Variants in XPO4 observed in about 807,000 individuals in gnomAD.
XPO4 encodes the protein exportin-4.
A neutral mutation model predicts 143.0 loss-of-function variants in XPO4; 39 were observed. The observed-to-expected ratio is 0.27, with a 90% CI of 0.21 to 0.36. The LOEUF (loss-of-function observed/expected upper bound fraction) is 0.36. Among genes scored for constraint, XPO4 ranks in the 10% least tolerant of loss-of-function variants. The pLI is 1.00. For missense variants in XPO4, 907 were observed against 1,348.0 expected, an observed-to-expected ratio of 0.67 and a Z score of 5.12; for synonymous variants, 439 against 474.0, an observed-to-expected ratio of 0.93 and a Z score of 0.96.
chr13:20,866,662 TTAAA>T (rs2060247858), intron 2 of XPO4, among the ~76,000 whole-genome samples: 1 of 152,186 alleles, frequency 6.6e-6, no homozygotes, highest in Admixed American at 6.5e-5. Flanking sequence ...ACTCCACCTT[TTAAA>T]TAGTCAGTGT....
At chr13:20,816,405 T>C (rs1200823558) in intron 9 of XPO4, among the ~76,000 whole-genome samples, 1 of 152,226 alleles carries the variant, frequency 6.6e-6, no homozygotes, top group Non-Finnish European at 1.5e-5. Flanking sequence ...AGTCTTTGAA[T>C]GTCAAATGAA....
At chr13:20,784,153 G>A (rs2059171994) in intron 22 of XPO4, among the ~76,000 whole-genome samples, 1 of 152,162 alleles carries the variant, frequency 6.6e-6, no homozygotes, top group Admixed American at 6.5e-5. Flanking sequence ...CATTCCAGAG[G>A]TGAAGGTTTC....
At chr13:20,816,589 A>C (rs1360449363) in intron 9 of XPO4, among the ~76,000 whole-genome samples, 1 of 152,242 alleles carries the variant, frequency 6.6e-6, no homozygotes, top group Non-Finnish European at 1.5e-5. Context: ...TTACAGACAG[A>C]TCACTTAAAT....
chr13:20,850,734 C>G (rs2060076372), intron 4 of XPO4: 1 of 926,698 alleles, frequency 1.1e-6, no homozygotes. Context: ...CACTGCACTT[C>G]AGCCCAGGCG....
In XPO4 at chr13:20,843,409, A is replaced by G. The variant is rs118058394; in HGVS notation, c.573+361T>C. ...AATACATACAAGACAAAGAGCCCGC[A>G]CCATCTGCAATAACATTTGAAATAC... On this transcript the variant is annotated intron_variant, in intron 5 of 22. Coordinates refer to ENST00000255305, the MANE Select transcript of XPO4 (RefSeq NM_022459.5). 4.9e-3 allele frequency among the ~76,000 whole-genome samples: 742 copies of G among 152,322 alleles called. 9 individuals are homozygous for G. The highest frequency in any genetic ancestry group is 0.014 in the Middle Eastern group (4 of 294).
intron 1 of XPO4, among the ~76,000 whole-genome samples, chr13:20,882,854 T>A (rs1298232267): frequency 1.3e-5 from 2 of 148,260 alleles, no homozygotes; most frequent in Non-Finnish European, 3.0e-5. Flanking sequence ...GCCACTGCAC[T>A]CCAGCCTGGG....
At chr13:20,850,903 T>G in intron 4 of XPO4, 1 of 985,428 alleles carries the variant, frequency 1.0e-6, no homozygotes, top group Non-Finnish European at 1.2e-6. Flanking sequence ...ATTAGTTATC[T>G]AATTTAATGG....
At chr13:20,877,156 TA>T (rs2060360767) in intron 1 of XPO4, among the ~76,000 whole-genome samples, 1 of 152,196 alleles carries the variant, frequency 6.6e-6, no homozygotes, top group South Asian at 2.1e-4. Context: ...AAGAAGGCAA[TA>T]ATTGCACTGG....
At chr13:20,891,660 C>G (rs2060518052) in intron 1 of XPO4, among the ~76,000 whole-genome samples, 1 of 151,668 alleles carries the variant, frequency 6.6e-6, no homozygotes, top group Non-Finnish European at 1.5e-5. Context: ...CTCAGGAGTT[C>G]AAGACCAGCC....
chr13:20,893,551 AACATGGTGAAACTCCCTC>A (rs2060538561), intron 1 of XPO4, among the ~76,000 whole-genome samples: 1 of 152,110 alleles, frequency 6.6e-6, no homozygotes, highest in South Asian at 2.1e-4. Flanking sequence ...CAGTCTAGCC[AACATGGTGAAACTCCCTC>A]ACATGGTGAA....
intron 1 of XPO4, among the ~76,000 whole-genome samples, chr13:20,872,989 T>C (rs1048176393): frequency 4.0e-5 from 6 of 150,508 alleles, no homozygotes; most frequent in South Asian, 4.2e-4. Context: ...TCATTGCCAC[T>C]ACAGTAAAAG....
At chr13:20,857,338 T>C (rs138126431) in intron 3 of XPO4, among the ~76,000 whole-genome samples, 68 of 152,362 alleles carry the variant, frequency 4.5e-4, no homozygotes, top group African/African-American at 1.5e-3. Context: ...ATTTATTGAA[T>C]GCTTACTATA....
intron 5 of XPO4, among the ~76,000 whole-genome samples, chr13:20,843,494 A>G (rs1009814181): frequency 6.6e-6 from 1 of 152,172 alleles, no homozygotes; most frequent in Non-Finnish European, 1.5e-5. Context: ...CTTCAATTGA[A>G]TTAGTTATAT....
chr13:20,813,563 C>CT (rs2059610432), intron 9 of XPO4, among the ~76,000 whole-genome samples: 1 of 152,158 alleles, frequency 6.6e-6, no homozygotes, highest in African/African-American at 2.4e-5. Flanking sequence ...ACGTAATACA[C>CT]TGGTCCAATC....
At chr13:20,875,126 C>G (rs981142880) in intron 1 of XPO4, among the ~76,000 whole-genome samples, 2 of 152,148 alleles carry the variant, frequency 1.3e-5, no homozygotes, top group African/African-American at 4.8e-5. Context: ...AACATAAATA[C>G]TGGTAGTCTT....
At chr13:20,873,199 A>C (rs1041101049) in intron 1 of XPO4, among the ~76,000 whole-genome samples, 5 of 152,008 alleles carry the variant, frequency 3.3e-5, no homozygotes, top group African/African-American at 1.2e-4. Context: ...TTCTAGCCCC[A>C]ACCCTCAGCA....
At position 20,796,259 on chromosome 13, in the gene XPO4, GAA is replaced by G. The variant is rs34352023; in HGVS notation, c.2617-5_2617-4del. The G allele has an allele frequency of 1.2e-3, 1,501 of 1,215,014 alleles. No individual in the cohort carries two copies. Among genetic ancestry groups the G allele is most frequent in the South Asian group, 5.0e-3 (278 of 55,788 alleles). The allele number at this position is 1,215,014 out of a possible 1,614,324, so 75.3% of individuals were successfully genotyped here. A position where few individuals can be genotyped will look rare whatever the true frequency, so the allele number is the denominator to read the frequency against. The stretch of plus-strand genomic sequence containing the variant: ...TCATATAAGTTCATAGCTTTGGACT[GAA>G]AAAAAAAAAAATGCACAAATTATGC... On this transcript the variant is annotated splice_polypyrimidine_tract_variant and splice_region_variant and intron_variant, in intron 17 of 22. Transcript: ENST00000255305.
chr13:20,838,612 A>T (rs1286533488), intron 6 of XPO4, among the ~76,000 whole-genome samples: 1 of 145,358 alleles, frequency 6.9e-6, no homozygotes, highest in Non-Finnish European at 1.5e-5. Context: ...TCCATCTCAA[A>T]AAAAAAAAAA....
intron 1 of XPO4, among the ~76,000 whole-genome samples, chr13:20,879,867 A>G (rs899007843): frequency 1.3e-5 from 2 of 152,194 alleles, no homozygotes; most frequent in African/African-American, 4.8e-5. Context: ...CTACAACTCA[A>G]TGACAAAAAA....
Sources: gnomAD v4.1 joint callset for allele counts (sites outside exome capture counted in the v4.1 genomes callset) on GRCh38, gnomAD v4.1.1 for gene constraint, MANE v1.5 for transcripts, NCBI Gene and HGNC (gene_info 2026-07-23, HGNC 2026-07-21) for gene names.